Variants in OVCH2 observed in about 807,000 individuals in gnomAD.
The protein encoded by OVCH2 is ovochymase 2, also known as ovochymase-2.
A neutral mutation model predicts 73.7 loss-of-function variants in OVCH2; 88 were observed. The observed-to-expected ratio is 1.19, with a 90% CI of 1.01 to 1.43. The LOEUF (loss-of-function observed/expected upper bound fraction) is 1.43, where lower values mean the gene tolerates loss of function less well. Among genes scored for constraint, OVCH2 ranks in the 40% most tolerant of loss-of-function variants. The probability of loss-of-function intolerance (pLI) is 0.00; values close to 1 mark genes in which losing one functional copy is unlikely to be tolerated. For synonymous variants in OVCH2, 265 were observed against 234.5 expected, an observed-to-expected ratio of 1.13 and a Z score of -1.19; for missense variants, 706 against 674.5, an observed-to-expected ratio of 1.05 and a Z score of -0.52.
At chr11:7,685,899 C>G (rs1856137253), downstream of OVCH2, among the ~76,000 whole-genome samples, 1 of 152,064 alleles carries the variant, frequency 6.6e-6, no homozygotes, top group African/African-American at 2.4e-5. Context: ...GAAGGAAAAC[C>G]CCAGGTATCT....
chr11:7,691,190 G>C lies in OVCH2; in HGVS notation c.1639+79C>G, dbSNP rs768169858. 2.0e-6 allele frequency: 3 copies of C among 1,488,764 alleles called. No individual in the cohort carries two copies. The African/African-American group carries it at 4.2e-5, about 21-fold the overall frequency. 92.2% of individuals were successfully genotyped at this position (1,488,764 alleles called of 1,614,324 possible). ...GATAGTGAGAATCGACTGTCTCTGT[G>C]TTGGGCTCTAAAGACCTCTAATTCA... is the stretch of plus-strand genomic sequence containing the variant. On this transcript the variant is annotated intron_variant, in intron 14 of 15. Transcript: ENST00000533663.
chr11:7,687,003 A>G (rs901184953), downstream of OVCH2, among the ~76,000 whole-genome samples: 85 of 151,974 alleles, frequency 5.6e-4, no homozygotes, highest in Non-Finnish European at 1.1e-3. Context: ...GAAACATACC[A>G]TACTCCTGGC....
the OVCH2 span, among the ~76,000 whole-genome samples, chr11:7,682,963 C>T: frequency 6.6e-6 from 1 of 152,174 alleles, no homozygotes; most frequent in Non-Finnish European, 1.5e-5. Flanking sequence ...GTTGCAATCA[C>T]CAATATCCTC....
At chr11:7,697,927 G>A (rs1275674330) in intron 8 of OVCH2, among the ~76,000 whole-genome samples, 2 of 151,962 alleles carry the variant, frequency 1.3e-5, no homozygotes, top group African/African-American at 4.8e-5. Context: ...AACTTTTTTG[G>A]CTAGCATTTA....
chr11:7,694,882 T>C (rs1343645387), intron 12 of OVCH2, among the ~76,000 whole-genome samples, 176 bp downstream of exon 12: 3 of 144,238 alleles, frequency 2.1e-5, no homozygotes, highest in African/African-American at 7.7e-5. Context: ...CAGGGGAAAC[T>C]GGGCGGATCC....
In OVCH2 at chr11:7,695,568, AC is replaced by A. The variant is rs1856314110; in HGVS notation, c.1282+1del. On this transcript the variant is annotated splice_donor_variant, in intron 11 of 15. Coordinates refer to ENST00000533663, the MANE Select transcript of OVCH2 (RefSeq NM_198185.7). LOFTEE classifies it high-confidence loss of function. ...TATGTGATTAAAAGTAAATGGTTTT[AC>A]CAGGAATGTAGTTTGGTTTAAGAGC... is the stretch of plus-strand genomic sequence containing the variant. 6.2e-7 allele frequency: 1 copy of A among 1,611,894 alleles called. No homozygotes were observed. Among genetic ancestry groups the A allele is most frequent in the African/African-American group, 1.3e-5 (1 of 74,908 alleles).
intron 12 of OVCH2, among the ~76,000 whole-genome samples, chr11:7,694,760 C>G (rs969030552): frequency 3.3e-5 from 5 of 151,506 alleles, no homozygotes; most frequent in African/African-American, 1.2e-4. Context: ...TACAGGCGCC[C>G]GCCACCGCGC....
At chr11:7,690,070 A>C in intron 14 of OVCH2, 57 bp from the exon 15 acceptor site, 1 of 1,215,870 alleles carries the variant, frequency 8.2e-7, no homozygotes, top group Non-Finnish European at 1.2e-6. Context: ...AGGGTTGGAG[A>C]TTTATCAGAA....
At position 7,700,390 on chromosome 11, in the gene OVCH2, C is replaced by T. The variant is rs1191385427; in HGVS notation, c.807G>A (p.Trp269Ter). Residue 269 changes from tryptophan (W) to a stop codon, truncating the protein, a stop_gained, in exon 7 of 16, where the codon TGG (tryptophan) becomes TGA (stop). Transcript: ENST00000533663. LOFTEE classifies it high-confidence loss of function. ...TSWGLGCGRG[W>*]RNNVRKSDQG... ...GATCACTTTTCCTCACATTGTTTCT[C>T]CAGCCTCGACCACAGCCCAAACCCC... 2 of 1,613,402 alleles carry T rather than the reference C, an allele frequency of 1.2e-6. No homozygotes were observed. The highest frequency in any genetic ancestry group is 1.3e-5 in the African/African-American group (1 of 75,044).
intron 12 of OVCH2, among the ~76,000 whole-genome samples, chr11:7,694,739 G>C (rs1046864674): frequency 6.6e-6 from 1 of 151,026 alleles, no homozygotes; most frequent in African/African-American, 2.4e-5. Flanking sequence ...AGCCTCCCGA[G>C]TAGCTGGGAT....
chr11:7,700,544 C>T (rs1273183859), intron 6 of OVCH2, 59 bp from the exon 7 acceptor site: 4 of 1,516,658 alleles, frequency 2.6e-6, no homozygotes, highest in Non-Finnish European at 3.6e-6. Context: ...CCAAAATGCT[C>T]ACTGTTTCCT....
At chr11:7,680,306 A>C in the OVCH2 span, among the ~76,000 whole-genome samples, 9 of 152,220 alleles carry the variant, frequency 5.9e-5, no homozygotes, top group Non-Finnish European at 8.8e-5. Flanking sequence ...TCTACTGGAG[A>C]ATTGCTCACC....
rs889117718 is a variant in OVCH2, at chr11:7,698,483, C to T, written c.925+267G>A. Among the ~76,000 whole-genome samples, 8 of 152,298 alleles carry T rather than the reference C, an allele frequency of 5.3e-5. No homozygotes were observed. The South Asian group carries it at 1.0e-3, about 20-fold the overall frequency. ...AGCTTACTGACCACATCGGCACTGCCTTGCCCTCTTTCCTTGAGTCTCTGA... is the reference window on the plus strand; with the variant it reads ...AGCTTACTGACCACATCGGCACTGCTTTGCCCTCTTTCCTTGAGTCTCTGA... On this transcript the variant is annotated intron_variant, in intron 8 of 15. Transcript: ENST00000533663.
At chr11:7,684,506 ATGTGTGTGTGTGTGTGTGTG>A (rs55770590), downstream of OVCH2, among the ~76,000 whole-genome samples, 5 of 141,342 alleles carry the variant, frequency 3.5e-5, no homozygotes, top group African/African-American at 1.1e-4. Context: ...ATACATACAT[ATGTGTGTGTGTGTGTGTGTG>A]TGTGTGTGTG....
At chr11:7,693,968 TTTTG>T (rs1321876613) in intron 12 of OVCH2, among the ~76,000 whole-genome samples, 2 of 152,310 alleles carry the variant, frequency 1.3e-5, no homozygotes, top group South Asian at 4.1e-4. Context: ...TTTTCTTTGG[TTTTG>T]TTTGTGTTTT....
intron 1 of OVCH2, among the ~76,000 whole-genome samples, chr11:7,705,877 G>A (rs1253868229): frequency 6.6e-6 from 1 of 152,068 alleles, no homozygotes; most frequent in African/African-American, 2.4e-5. Flanking sequence ...GTTAGTTGAA[G>A]GGGAAAAAAG....
At chr11:7,690,100 G>A (rs560213991) in intron 14 of OVCH2, 87 bp from the exon 15 acceptor site, 1 of 1,009,756 alleles carries the variant, frequency 9.9e-7, no homozygotes, top group Non-Finnish European at 1.5e-6. Flanking sequence ...TGAAGCTATT[G>A]TTAGAATTCT....
rs573242611 is a variant in OVCH2, at chr11:7,692,649, A to G, written c.1414-654T>C. On this transcript the variant is annotated intron_variant, in intron 12 of 15. Coordinates refer to ENST00000533663, the MANE Select transcript of OVCH2 (RefSeq NM_198185.7). ...CTCGGAGTCAAATGTAGTGAGCCTC[A>G]TGAATGTGCATGAAAAAGGAAATCC... is the stretch of plus-strand genomic sequence containing the variant. Among the ~76,000 whole-genome samples, 4 of 152,338 alleles carry G rather than the reference A, an allele frequency of 2.6e-5. No individual in the cohort carries two copies. In the East Asian group the frequency reaches 7.7e-4, roughly 29 times the overall value.
At chr11:7,685,626 G>A (rs12274672), downstream of OVCH2, among the ~76,000 whole-genome samples, 41,748 of 151,890 alleles carry the variant, frequency 0.27, 7,607 homozygotes, top group African/African-American at 0.52. Context: ...ACTTGCTCTT[G>A]AATAGCTCCC....
Sources: allele counts gnomAD v4.1 joint callset (sites outside exome capture counted in the v4.1 genomes callset), GRCh38; gene constraint gnomAD v4.1.1; transcripts MANE v1.5; gene names NCBI Gene and HGNC (gene_info 2026-07-23, HGNC 2026-07-21).